CDIN1: variants seen among roughly 807,000 people sequenced by gnomAD.
The protein encoded by CDIN1 is CDAN1 interacting nuclease 1.
In CDIN1, 33 loss-of-function variants were observed where a neutral mutation model predicts 45.3. The ratio of observed to expected loss-of-function variants is 0.73; its 90% CI spans 0.55 to 0.97. The LOEUF (loss-of-function observed/expected upper bound fraction) is 0.97. Ranked by LOEUF, CDIN1 falls within the 50% of genes least tolerant of loss-of-function variation. The pLI is 0.00. For missense variants in CDIN1, 303 were observed against 339.4 expected (o/e 0.89, Z 0.84); for synonymous variants, 118 against 124.4 (o/e 0.95, Z 0.34).
chr15:36,794,876 C>G (rs1029048351), intron 10 of CDIN1, among the ~76,000 whole-genome samples: 2 of 152,114 alleles, frequency 1.3e-5, no homozygotes, highest in Non-Finnish European at 2.9e-5. Flanking sequence ...GATATAGAAT[C>G]AACCTAAGTG....
At chr15:36,720,473 T>G (rs941569210) in intron 10 of CDIN1, among the ~76,000 whole-genome samples, 3 of 119,080 alleles carry the variant, frequency 2.5e-5, no homozygotes, top group African/African-American at 9.5e-5. Context: ...TTCCCCACCC[T>G]GTGTCCAAGT....
intron 1 of CDIN1, chr15:36,619,344 G>C: frequency 2.1e-6 from 1 of 473,446 alleles, no homozygotes; most frequent in Non-Finnish European, 3.6e-6. Flanking sequence ...AACTGTTTTG[G>C]AGGGGAGAGG....
chr15:36,790,417 C>G (rs563681347), intron 10 of CDIN1: 30 of 152,294 alleles, frequency 2.0e-4, no homozygotes, highest in African/African-American at 6.7e-4. Flanking sequence ...TGAGGTGACC[C>G]AAACATACTG....
chr15:36,726,587 C>T (rs1323335017), intron 10 of CDIN1, among the ~76,000 whole-genome samples: 1 of 152,188 alleles, frequency 6.6e-6, no homozygotes, highest in Non-Finnish European at 1.5e-5. Flanking sequence ...TAGTTGAAAA[C>T]TGCTTTTCAC....
chr15:36,656,570 C>T (rs1373090837), intron 4 of CDIN1, among the ~76,000 whole-genome samples: 4 of 152,060 alleles, frequency 2.6e-5, no homozygotes, highest in Admixed American at 1.3e-4. Context: ...TGACATGAAG[C>T]ATGATGGCCC....
At chr15:36,591,503 G>A (rs990462427) in intron 1 of CDIN1, among the ~76,000 whole-genome samples, 3 of 152,046 alleles carry the variant, frequency 2.0e-5, no homozygotes, top group Non-Finnish European at 2.9e-5. Flanking sequence ...GTTTCCTAAT[G>A]GATGAAGTTA....
chr15:36,695,531 T>C (rs959647860), intron 7 of CDIN1, among the ~76,000 whole-genome samples: 11 of 152,214 alleles, frequency 7.2e-5, no homozygotes, highest in South Asian at 2.1e-4. Flanking sequence ...CTCCCTGAAC[T>C]TTACTTTCCT....
At chr15:36,656,378 A>G (rs2063834624) in intron 4 of CDIN1, among the ~76,000 whole-genome samples, 1 of 152,132 alleles carries the variant, frequency 6.6e-6, no homozygotes, top group Non-Finnish European at 1.5e-5. Flanking sequence ...TAAGGGCTGT[A>G]TGTGGTCATC....
intron 1 of CDIN1, among the ~76,000 whole-genome samples, chr15:36,585,256 C>CA (rs1308205993): frequency 6.6e-6 from 1 of 152,196 alleles, no homozygotes; most frequent in Non-Finnish European, 1.5e-5. Flanking sequence ...GTACGATTGT[C>CA]AAAATCAGTA....
chr15:36,666,433 C>A (rs1317071751), intron 5 of CDIN1, among the ~76,000 whole-genome samples: 2 of 152,178 alleles, frequency 1.3e-5, no homozygotes, highest in Non-Finnish European at 2.9e-5. Context: ...TGTATCCCAT[C>A]CCTGCTAACA....
Position 36,808,837 on chromosome 15 carries a change from A to ATTTTTTTT in CDIN1, c.*386_*393dup. The ATTTTTTTT allele has an allele frequency of 4.6e-6, 2 of 439,190 alleles. No homozygotes were observed. The highest frequency in any genetic ancestry group is 4.9e-5 in the Admixed American group (2 of 40,662). The allele number at this position is 439,190 out of a possible 1,614,324, so 27.2% of individuals were successfully genotyped here. ...CTCCCAGTTACCGAATCACCCTCTT[A>ATTTTTTTT]TTTTTTTTTCCCTAAGCCTCCGTTC... On this transcript the variant is annotated 3_prime_UTR_variant, in exon 11 of 11. Coordinates refer to ENST00000566621, the MANE Select transcript of CDIN1 (RefSeq NM_001321759.2).
chr15:36,639,267 A>G (rs937869874), intron 1 of CDIN1, among the ~76,000 whole-genome samples: 2 of 152,030 alleles, frequency 1.3e-5, no homozygotes, highest in Admixed American at 6.6e-5. Context: ...ATTTGGGGAA[A>G]AAAAAAGCAA....
chr15:36,698,707 C>T (rs1322059869), intron 8 of CDIN1, among the ~76,000 whole-genome samples: 1 of 152,136 alleles, frequency 6.6e-6, no homozygotes, highest in East Asian at 1.9e-4. Flanking sequence ...TTGTTTTAAG[C>T]CACCAACTAA....
At chr15:36,701,998 CA>C in intron 8 of CDIN1, 1 of 700,690 alleles carries the variant, frequency 1.4e-6, no homozygotes. Context: ...ATGTGACAAA[CA>C]GGGGATTATG....
At chr15:36,705,465 A>AACTT (rs1710819103) in intron 8 of CDIN1, 1 of 152,186 alleles carries the variant, frequency 6.6e-6, no homozygotes, top group Non-Finnish European at 1.5e-5. Flanking sequence ...GACCAACTGC[A>AACTT]ACTTGGTTGA....
At chr15:36,609,516 C>T (rs938787244) in intron 1 of CDIN1, among the ~76,000 whole-genome samples, 1 of 152,176 alleles carries the variant, frequency 6.6e-6, no homozygotes, top group Non-Finnish European at 1.5e-5. Flanking sequence ...AATCCCAGCA[C>T]TTTAAAGGGG....
intron 5 of CDIN1, among the ~76,000 whole-genome samples, chr15:36,677,797 GA>G (rs893802563): frequency 6.6e-6 from 1 of 151,982 alleles, no homozygotes; most frequent in Non-Finnish European, 1.5e-5. Context: ...GGAAAGTCAG[GA>G]AAAAAAATTC....
chr15:36,704,360 A>T (rs947718746), intron 8 of CDIN1: 9 of 152,144 alleles, frequency 5.9e-5, no homozygotes, highest in Non-Finnish European at 8.8e-5. Flanking sequence ...TTCTCTAAAG[A>T]TTTCATTTAT....
intron 1 of CDIN1, chr15:36,626,663 A>C (rs554581411): frequency 1.1e-5 from 4 of 380,920 alleles, no homozygotes; most frequent in African/African-American, 6.4e-5. Flanking sequence ...CCATTTGCAG[A>C]GATCTGGAAA....
Sources: gnomAD v4.1 joint callset for allele counts (sites outside exome capture counted in the v4.1 genomes callset) on GRCh38, gnomAD v4.1.1 for gene constraint, MANE v1.5 for transcripts, NCBI Gene and HGNC (gene_info 2026-07-23, HGNC 2026-07-21) for gene names.